LMX1A: variants seen among roughly 807,000 people sequenced by gnomAD.
LMX1A encodes LIM homeobox transcription factor 1 alpha, also known as LIM homeobox transcription factor 1-alpha.
Under a neutral mutation model 49.1 loss-of-function variants are expected in LMX1A, and 15 were observed. The observed-to-expected ratio is 0.31, with a 90% CI of 0.20 to 0.47. The LOEUF is 0.47. Among genes scored for constraint, LMX1A ranks in the 20% least tolerant of loss-of-function variants. The pLI, the probability that LMX1A is intolerant of heterozygous loss-of-function variation, is 1.00. For synonymous variants in LMX1A, 167 were observed against 185.7 expected (o/e 0.90, Z 0.82); for missense variants, 372 against 475.8 (o/e 0.78, Z 2.03).
intron 3 of LMX1A, among the ~76,000 whole-genome samples, chr1:165,271,220 T>C (rs1404809137): frequency 2.6e-5 from 4 of 152,214 alleles, no homozygotes; most frequent in Non-Finnish European, 5.9e-5. Flanking sequence ...AAGTAAACAA[T>C]GAAGAACCCC....
chr1:165,300,825 C>T (rs1437331465), intron 3 of LMX1A, among the ~76,000 whole-genome samples: 1 of 152,170 alleles, frequency 6.6e-6, no homozygotes, highest in African/African-American at 2.4e-5. Context: ...CCTTCTCACC[C>T]TGCCTGCTTC....
intron 6 of LMX1A, among the ~76,000 whole-genome samples, chr1:165,209,295 T>C (rs1651262457): frequency 6.6e-6 from 1 of 152,222 alleles, no homozygotes. Flanking sequence ...ATATATTTGG[T>C]CGTTGACCCT....
At chr1:165,325,354 A>G (rs1655536616) in intron 3 of LMX1A, among the ~76,000 whole-genome samples, 1 of 152,076 alleles carries the variant, frequency 6.6e-6, no homozygotes, top group African/African-American at 2.4e-5. Flanking sequence ...CCTTTTGTGT[A>G]TTTTGTACCA....
intron 3 of LMX1A, among the ~76,000 whole-genome samples, chr1:165,278,710 C>T (rs1654045455): frequency 6.6e-6 from 1 of 152,188 alleles, no homozygotes; most frequent in Non-Finnish European, 1.5e-5. Flanking sequence ...GACTGAAATT[C>T]AGCACACCCT....
chr1:165,347,417 G>A (rs933328403), intron 3 of LMX1A, among the ~76,000 whole-genome samples: 1 of 152,214 alleles, frequency 6.6e-6, no homozygotes, highest in Non-Finnish European at 1.5e-5. Context: ...CCACATAGGA[G>A]CCTTTCTGCT....
rs377647834 is a variant in LMX1A, at chr1:165,337,243, C to A, written c.263+15833G>T. Among the ~76,000 whole-genome samples the A allele has an allele frequency of 4.6e-5, 7 of 152,130 alleles. No individual in the cohort carries two copies. In the East Asian group the frequency reaches 9.6e-4, roughly 21 times the overall value. On this transcript the variant is annotated intron_variant, in intron 3 of 8. Coordinates refer to ENST00000342310, the MANE Select transcript of LMX1A (RefSeq NM_177398.4). Reference sequence around the variant, plus strand: ...GAGAGTTAAGGCCACAATTCTAAATCTTACTCTAAACATAACAATATCTTT... The same window carrying A: ...GAGAGTTAAGGCCACAATTCTAAATATTACTCTAAACATAACAATATCTTT...
At chr1:165,296,541 C>T (rs1222676166) in intron 3 of LMX1A, among the ~76,000 whole-genome samples, 5 of 152,270 alleles carry the variant, frequency 3.3e-5, no homozygotes, top group Admixed American at 6.5e-5. Context: ...GACTGTGTCA[C>T]CTTCTTCAAT....
chr1:165,233,039 T>C (rs542461274), intron 4 of LMX1A, among the ~76,000 whole-genome samples: 1 of 152,328 alleles, frequency 6.6e-6, no homozygotes, highest in Non-Finnish European at 1.5e-5. Flanking sequence ...ACCCTTACTT[T>C]GTGCCCTACA....
intron 4 of LMX1A, among the ~76,000 whole-genome samples, chr1:165,220,071 G>C (rs1271223394): frequency 6.6e-6 from 1 of 152,166 alleles, no homozygotes; most frequent in Admixed American, 6.5e-5. Flanking sequence ...ACAAGACATT[G>C]ACCTGGAATG....
rs555685146 is a variant in LMX1A, at chr1:165,304,839, G to A, written c.263+48237C>T. Among the ~76,000 whole-genome samples the A allele has an allele frequency of 2.0e-5, 3 of 152,228 alleles. No individual in the cohort carries two copies. The East Asian group carries it at 5.8e-4, about 29-fold the overall frequency. The stretch of plus-strand genomic sequence containing the variant: ...TGCCTTTACTCAGATTGTCCCATCA[G>A]CCTGGAAAACTTCCCCTCTCCTCGT... On this transcript the variant is annotated intron_variant, in intron 3 of 8. Coordinates refer to ENST00000342310, the MANE Select transcript of LMX1A (RefSeq NM_177398.4).
intron 3 of LMX1A, among the ~76,000 whole-genome samples, chr1:165,310,710 G>T (rs952174283): frequency 1.6e-4 from 25 of 152,172 alleles, no homozygotes; most frequent in African/African-American, 6.0e-4. Flanking sequence ...AATGATCCTG[G>T]TTTATTTGAG....
intron 3 of LMX1A, among the ~76,000 whole-genome samples, chr1:165,292,207 T>C (rs1252266486): frequency 2.0e-5 from 3 of 152,190 alleles, no homozygotes; most frequent in Non-Finnish European, 4.4e-5. Flanking sequence ...AAGCAGAATT[T>C]GGAATCATGT....
At chr1:165,235,420 ACACT>A (rs756627123) in intron 4 of LMX1A, among the ~76,000 whole-genome samples, 15 of 134,898 alleles carry the variant, frequency 1.1e-4, no homozygotes, top group East Asian at 8.1e-4. Flanking sequence ...ACACACACAC[ACACT>A]CACACTCACA....
At chr1:165,268,492 T>C (rs1653692484) in intron 3 of LMX1A, among the ~76,000 whole-genome samples, 1 of 152,304 alleles carries the variant, frequency 6.6e-6, no homozygotes, top group African/African-American at 2.4e-5. Context: ...CATTGAGAGA[T>C]GTTGTTACCA....
intron 4 of LMX1A, among the ~76,000 whole-genome samples, chr1:165,231,330 T>C (rs1190491678): frequency 1.3e-5 from 2 of 151,494 alleles, no homozygotes; most frequent in Non-Finnish European, 2.9e-5. Context: ...GGAGACAGGG[T>C]CGCAACTCTA....
At chr1:165,331,952 A>G (rs1655754577) in intron 3 of LMX1A, among the ~76,000 whole-genome samples, 1 of 152,130 alleles carries the variant, frequency 6.6e-6, no homozygotes, top group Non-Finnish European at 1.5e-5. Context: ...GTAAATAAAG[A>G]ACACAGAGGG....
At position 165,213,767 on chromosome 1, in the gene LMX1A, T is replaced by C. The variant is rs750383518; in HGVS notation, c.543A>G (p.Ala181=). The change falls in exon 5 of 9, where the codon GCA becomes GCG. Residue 181 remains alanine (A), a synonymous_variant. Transcript: ENST00000342310. ...EESLCKSAHG[A]GKGTAEEGKD... Reference sequence around the variant, plus strand: ...TGCCTTCCTCAGCAGTTCCTTTCCCTGCCCCATGGGCTGACTTGCAGAGAC... The same window carrying C: ...TGCCTTCCTCAGCAGTTCCTTTCCCCGCCCCATGGGCTGACTTGCAGAGAC... The C allele has an allele frequency of 6.2e-7, 1 of 1,614,222 alleles. No individual in the cohort carries two copies. The highest frequency in any genetic ancestry group is 8.5e-7 in the Non-Finnish European group (1 of 1,180,034).
intron 3 of LMX1A, among the ~76,000 whole-genome samples, chr1:165,283,425 C>T (rs1444045529): frequency 1.3e-5 from 2 of 152,322 alleles, no homozygotes; most frequent in East Asian, 3.9e-4. Context: ...AGCTCATTTT[C>T]AACATAAAGC....
At chr1:165,312,126 C>T (rs548951445) in intron 3 of LMX1A, among the ~76,000 whole-genome samples, 1 of 152,274 alleles carries the variant, frequency 6.6e-6, no homozygotes, top group Admixed American at 6.5e-5. Context: ...TCTATTTTAG[C>T]AGTTCTAAAA....
Sources: allele counts gnomAD v4.1 joint callset (sites outside exome capture counted in the v4.1 genomes callset), GRCh38; gene constraint gnomAD v4.1.1; transcripts MANE v1.5; gene names NCBI Gene and HGNC (gene_info 2026-07-23, HGNC 2026-07-21).